The following PDZD2 variants were observed in gnomAD, a reference collection of about 807,000 sequenced individuals.
The protein encoded by PDZD2 is PDZ domain containing 2, also known as PDZ domain-containing protein 2.
PDZD2 carries 90 observed loss-of-function variants against 220.7 expected under a neutral mutation model. That is an observed-to-expected ratio of 0.41 (90% CI 0.34 to 0.49). The LOEUF is 0.49. Among genes scored for constraint, PDZD2 ranks in the 20% least tolerant of loss-of-function variants. The pLI, the probability that PDZD2 is intolerant of heterozygous loss-of-function variation, is 0.28. For synonymous variants in PDZD2, 1,375 were observed against 1,450.5 expected (o/e 0.95, Z 1.18); for missense variants, 3,174 against 3,608.5 (o/e 0.88, Z 3.08).
At chr5:31,822,643 G>C in intron 2 of PDZD2, 1 of 1,332,182 alleles carries the variant, frequency 7.5e-7, no homozygotes, top group Non-Finnish European at 1.0e-6. Context: ...TTTTAACCTT[G>C]TGGCTTGCTG....
intron 1 of PDZD2, among the ~76,000 whole-genome samples, chr5:31,757,363 G>A (rs571187075): frequency 4.1e-4 from 62 of 152,254 alleles, no homozygotes; most frequent in East Asian, 3.5e-3. Context: ...AGGCCGAGGC[G>A]AGCAGATCAT....
intron 14 of PDZD2, among the ~76,000 whole-genome samples, chr5:32,063,027 A>ATATTAT (rs147802513): frequency 0.023 from 3,263 of 142,310 alleles, 53 homozygotes; most frequent in Admixed American, 0.032. Context: ...TGAGAATGAA[A>ATATTAT]TATTATTATT....
intron 1 of PDZD2, among the ~76,000 whole-genome samples, chr5:31,728,436 A>G (rs1173658066): frequency 6.6e-6 from 1 of 152,182 alleles, no homozygotes; most frequent in Non-Finnish European, 1.5e-5. Context: ...GGAGTGGCGT[A>G]TTTTAAGCTG....
At chr5:31,662,172 G>C (rs941890735) in intron 1 of PDZD2, among the ~76,000 whole-genome samples, 16 of 152,100 alleles carry the variant, frequency 1.1e-4, no homozygotes, top group African/African-American at 3.6e-4. Flanking sequence ...TTAGCTGGGC[G>C]TGGTGGTGCA....
chr5:32,054,550 C>G (rs1022316007), intron 10 of PDZD2, among the ~76,000 whole-genome samples: 4 of 151,814 alleles, frequency 2.6e-5, no homozygotes, highest in African/African-American at 9.7e-5. Flanking sequence ...GTCTCAAACA[C>G]CTGGGTTCAA....
intron 14 of PDZD2, among the ~76,000 whole-genome samples, chr5:32,061,564 T>G (rs62361281): frequency 7.2e-4 from 109 of 152,328 alleles, no homozygotes; most frequent in Non-Finnish European, 7.2e-4. Flanking sequence ...AAGTTTAATG[T>G]TGAATGATTA....
chr5:31,987,957 G>A (rs1581220892), intron 3 of PDZD2, among the ~76,000 whole-genome samples: 3 of 152,234 alleles, frequency 2.0e-5, no homozygotes, highest in African/African-American at 7.2e-5. Context: ...TTGAAATCCT[G>A]CAGCTCAACC....
At chr5:31,843,948 T>A (rs62360838) in intron 2 of PDZD2, 26,506 of 152,134 alleles carry the variant, frequency 0.17, 2,449 homozygotes, top group African/African-American at 0.25. Flanking sequence ...TTTCAGCTGA[T>A]GGAGAATGGT....
chr5:31,933,174 G>T (rs1407455340), intron 2 of PDZD2, among the ~76,000 whole-genome samples: 2 of 152,122 alleles, frequency 1.3e-5, no homozygotes, highest in Non-Finnish European at 2.9e-5. Flanking sequence ...GTCTCCCAAA[G>T]TGCTAGGATT....
chr5:31,885,159 A>AC (rs59139304), intron 2 of PDZD2, among the ~76,000 whole-genome samples: 1 of 55,300 alleles, frequency 1.8e-5, no homozygotes, highest in Non-Finnish European at 4.0e-5. Context: ...TGCAAACGGC[A>AC]AAAAAAAAAA....
At chr5:32,082,418 C>A (rs1023142854) in intron 19 of PDZD2, among the ~76,000 whole-genome samples, 14 of 152,016 alleles carry the variant, frequency 9.2e-5, no homozygotes, top group Admixed American at 2.6e-4. Context: ...ATGACCCGTA[C>A]ACTGCACGGT....
chr5:32,045,320 C>T (rs2112271722), intron 7 of PDZD2, among the ~76,000 whole-genome samples: 1 of 152,288 alleles, frequency 6.6e-6, no homozygotes, highest in Non-Finnish European at 1.5e-5. Flanking sequence ...GATATTCTAA[C>T]CTGGGTTTTC....
At chr5:31,799,923 T>C (rs1754293969) in intron 2 of PDZD2, among the ~76,000 whole-genome samples, 199 bp downstream of exon 2, 1 of 152,160 alleles carries the variant, frequency 6.6e-6, no homozygotes, top group Admixed American at 6.5e-5. Flanking sequence ...TTGGATGTGT[T>C]TTCATCTGCC....
intron 1 of PDZD2, among the ~76,000 whole-genome samples, chr5:31,687,201 C>T (rs1361063295): frequency 6.6e-6 from 1 of 152,162 alleles, no homozygotes; most frequent in Non-Finnish European, 1.5e-5. Context: ...TAAAGGCTCC[C>T]AGGAGCTGAT....
intron 5 of PDZD2, among the ~76,000 whole-genome samples, chr5:32,003,657 GCA>G (rs1192797386): frequency 3.9e-5 from 6 of 152,100 alleles, no homozygotes; most frequent in African/African-American, 1.4e-4. Flanking sequence ...TGCTAAACCT[GCA>G]TTTCTTGTGC....
chr5:31,849,560 C>T (rs937679884), intron 2 of PDZD2, among the ~76,000 whole-genome samples: 1 of 151,882 alleles, frequency 6.6e-6, no homozygotes, highest in African/African-American at 2.4e-5. Flanking sequence ...ATACACTTAC[C>T]AGGCTGGGCG....
intron 2 of PDZD2, among the ~76,000 whole-genome samples, chr5:31,929,721 G>A (rs1159355117): frequency 6.8e-6 from 1 of 147,864 alleles, no homozygotes; most frequent in African/African-American, 2.5e-5. Flanking sequence ...GTGTGGTGCT[G>A]GACATGTGTA....
At chr5:31,922,998 A>G (rs1414324184) in intron 2 of PDZD2, among the ~76,000 whole-genome samples, 2 of 149,198 alleles carry the variant, frequency 1.3e-5, no homozygotes, top group Non-Finnish European at 3.0e-5. Flanking sequence ...AGCCCTTCAA[A>G]AATGCGCTTG....
chr5:31,665,467 C>T (rs768753798), intron 1 of PDZD2, among the ~76,000 whole-genome samples: 4 of 152,092 alleles, frequency 2.6e-5, no homozygotes, highest in Non-Finnish European at 5.9e-5. Context: ...AAAGCTGATA[C>T]GGTTTGGCTC....
Sources: allele counts gnomAD v4.1 joint callset (sites outside exome capture counted in the v4.1 genomes callset), GRCh38; gene constraint gnomAD v4.1.1; transcripts MANE v1.5; gene names NCBI Gene and HGNC (gene_info 2026-07-23, HGNC 2026-07-21).